The following KNTC1 variants were observed in gnomAD, a reference collection of about 807,000 sequenced individuals.
The protein encoded by KNTC1 is kinetochore associated 1.
In KNTC1, 253 loss-of-function variants were observed where a neutral mutation model predicts 314.4. The observed-to-expected ratio is 0.80, with a 90% CI of 0.73 to 0.89. KNTC1 has a LOEUF of 0.89. Ranked by LOEUF, KNTC1 falls within the 40% of genes least tolerant of loss-of-function variation. The pLI is 0.00. For missense variants in KNTC1, 2,475 were observed against 2,572.9 expected (o/e 0.96, Z 0.82); for synonymous variants, 901 against 901.4 (o/e 1.00, Z 0.01).
chr12:122,602,244 C>T (rs1175810342), intron 45 of KNTC1, among the ~76,000 whole-genome samples: 1 of 151,756 alleles, frequency 6.6e-6, no homozygotes, highest in Non-Finnish European at 1.5e-5. Context: ...GATCTGTAGC[C>T]TCTATATTTA....
intron 59 of KNTC1, among the ~76,000 whole-genome samples, chr12:122,619,435 C>T (rs1043836051): frequency 6.6e-6 from 1 of 150,994 alleles, no homozygotes; most frequent in Non-Finnish European, 1.5e-5. Context: ...GTTTTTGAGA[C>T]GGAGTCTTGC....
At chr12:122,582,145 A>G (rs953330453) in intron 33 of KNTC1, among the ~76,000 whole-genome samples, 1 of 152,164 alleles carries the variant, frequency 6.6e-6, no homozygotes, top group African/African-American at 2.4e-5. Context: ...GGCCGGGTAC[A>G]GTGGTTCATG....
intron 18 of KNTC1, among the ~76,000 whole-genome samples, chr12:122,559,354 T>TA (rs886925705): frequency 1.3e-4 from 19 of 151,314 alleles, no homozygotes; most frequent in African/African-American, 4.4e-4. Context: ...AAAATAAAAA[T>TA]AAAAAAAAAT....
intron 51 of KNTC1, 145 bp from the exon 52 acceptor site, chr12:122,609,239 C>A (rs2138144081): frequency 1.5e-6 from 1 of 651,488 alleles, no homozygotes; most frequent in Non-Finnish European, 2.7e-6. Context: ...AAGCAAAAAT[C>A]TTTTCATAAT....
chr12:122,604,117 T>C (rs1189431960), intron 48 of KNTC1, among the ~76,000 whole-genome samples: 1 of 149,952 alleles, frequency 6.7e-6, no homozygotes, highest in East Asian at 2.0e-4. Flanking sequence ...CCTAAAGGCA[T>C]ATAAGAATTT....
intron 38 of KNTC1, among the ~76,000 whole-genome samples, chr12:122,587,002 A>C (rs1443539911): frequency 6.6e-6 from 1 of 152,032 alleles, no homozygotes; most frequent in Non-Finnish European, 1.5e-5. Context: ...TTTTTAGTAG[A>C]GACAGGATTT....
intron 24 of KNTC1, among the ~76,000 whole-genome samples, chr12:122,571,544 A>G (rs2137913730): frequency 6.6e-6 from 1 of 151,680 alleles, no homozygotes; most frequent in Non-Finnish European, 1.5e-5. Context: ...TTTTTTGTAA[A>G]GAAGGGGTTT....
chr12:122,580,168 G>T (rs748373044), intron 32 of KNTC1, among the ~76,000 whole-genome samples, 191 bp downstream of exon 32: 1 of 152,160 alleles, frequency 6.6e-6, no homozygotes, highest in African/African-American at 2.4e-5. Flanking sequence ...ACAGATGCAT[G>T]CAAAATCAAC....
intron 57 of KNTC1, among the ~76,000 whole-genome samples, chr12:122,617,730 A>G (rs1873921131): frequency 6.6e-6 from 1 of 152,238 alleles, no homozygotes; most frequent in African/African-American, 2.4e-5. Context: ...CTAGAACCTT[A>G]ATCATCTCAA....
At chr12:122,529,145 G>A (rs754240816) in intron 1 of KNTC1, among the ~76,000 whole-genome samples, 1 of 152,020 alleles carries the variant, frequency 6.6e-6, no homozygotes, top group Non-Finnish European at 1.5e-5. Flanking sequence ...CGCCGGCCTG[G>A]TCTGTATATT....
intron 31 of KNTC1, among the ~76,000 whole-genome samples, chr12:122,578,828 C>A (rs1183085925): frequency 2.0e-5 from 3 of 152,086 alleles, no homozygotes; most frequent in Admixed American, 1.3e-4. Flanking sequence ...GTTTTTAACA[C>A]CTAATATTTG....
intron 8 of KNTC1, 53 bp from the exon 9 acceptor site, chr12:122,546,123 G>C: frequency 2.0e-6 from 2 of 1,017,964 alleles, no homozygotes; most frequent in Non-Finnish European, 1.6e-6. Flanking sequence ...TTTGAGGAAG[G>C]CTCAGGTCTA....
intron 31 of KNTC1, among the ~76,000 whole-genome samples, chr12:122,579,104 G>A (rs1428296579): frequency 5.3e-5 from 6 of 112,412 alleles, no homozygotes; most frequent in African/African-American, 1.7e-4. Flanking sequence ...TCGCTCTGTC[G>A]CCCAGGCTGG....
intron 27 of KNTC1, among the ~76,000 whole-genome samples, 199 bp from the exon 28 acceptor site, chr12:122,575,344 C>T (rs1468349716): frequency 6.6e-6 from 1 of 152,146 alleles, no homozygotes; most frequent in Non-Finnish European, 1.5e-5. Context: ...AGAAAAAATA[C>T]TCTTCTGAAT....
At chr12:122,531,090 G>C (rs1350193572) in intron 2 of KNTC1, among the ~76,000 whole-genome samples, 1 of 151,436 alleles carries the variant, frequency 6.6e-6, no homozygotes, top group Non-Finnish European at 1.5e-5. Flanking sequence ...CACTCAAATG[G>C]AATCTGACAG....
intron 24 of KNTC1, 59 bp from the exon 25 acceptor site, chr12:122,572,878 C>G: frequency 3.1e-6 from 4 of 1,282,172 alleles, no homozygotes; most frequent in South Asian, 2.8e-5. Flanking sequence ...AATTCTGATT[C>G]TATTTTTCTC....
intron 32 of KNTC1, 72 bp from the exon 33 acceptor site, chr12:122,580,531 T>G: frequency 1.1e-6 from 1 of 933,502 alleles, no homozygotes; most frequent in Non-Finnish European, 1.7e-6. Context: ...CTAATTAAAA[T>G]TTCTTCTTTT....
chr12:122,609,325 A>T, intron 51 of KNTC1, 59 bp from the exon 52 acceptor site: 1 of 960,900 alleles, frequency 1.0e-6, no homozygotes, highest in Non-Finnish European at 1.6e-6. Flanking sequence ...AGAGAGATGA[A>T]TGTTTGTTTA....
At chr12:122,614,675 G>A (rs570302843) in intron 55 of KNTC1, among the ~76,000 whole-genome samples, 8 of 152,182 alleles carry the variant, frequency 5.3e-5, no homozygotes, top group Admixed American at 1.3e-4. Context: ...CAGGTCAGGA[G>A]TTCGAGACCA....
Sources: allele counts gnomAD v4.1 joint callset (sites outside exome capture counted in the v4.1 genomes callset), GRCh38; gene constraint gnomAD v4.1.1; transcripts MANE v1.5; gene names NCBI Gene and HGNC (gene_info 2026-07-23, HGNC 2026-07-21).